STARD3NL: variants seen among roughly 807,000 people sequenced by gnomAD.
STARD3NL encodes the protein STARD3 N-terminal-like protein.
STARD3NL carries 17 observed loss-of-function variants against 30.9 expected under a neutral mutation model. The ratio of observed to expected loss-of-function variants is 0.55; its 90% CI spans 0.38 to 0.82. The LOEUF (loss-of-function observed/expected upper bound fraction) is 0.82. STARD3NL is among the 40% of genes least tolerant of loss of function. STARD3NL has a pLI of 0.00. For missense variants in STARD3NL, 234 were observed against 277.6 expected (o/e 0.84, Z 1.12); for synonymous variants, 112 against 100.5 (o/e 1.11, Z -0.69).
chr7:38,211,000 G>A (rs967331601), intron 2 of STARD3NL, among the ~76,000 whole-genome samples: 3 of 152,122 alleles, frequency 2.0e-5, no homozygotes, highest in African/African-American at 7.2e-5. Context: ...GGGTCCATGT[G>A]AAGATCAAAT....
intron 7 of STARD3NL, among the ~76,000 whole-genome samples, chr7:38,220,632 C>T (rs1264872631): frequency 6.6e-6 from 1 of 152,230 alleles, no homozygotes; most frequent in Admixed American, 6.5e-5. Flanking sequence ...AACACTTCTA[C>T]CCCTGGGTAT....
At position 38,217,220 on chromosome 7, in the gene STARD3NL, G is replaced by A; in HGVS notation, c.468G>A (p.Leu156=). ...LFSQGAFGYV[L]PIISFILAWI... is the part of the protein sequence containing the mutation. ...CTCAAGGGGCTTTTGGCTATGTGCTGCCCATCATTTCATTCATCCTTGCCT... is the reference window on the plus strand; with the variant it reads ...CTCAAGGGGCTTTTGGCTATGTGCTACCCATCATTTCATTCATCCTTGCCT... The change falls in exon 6 of 9, where the codon CTG becomes CTA. Residue 156 remains leucine, a synonymous_variant. Transcript: ENST00000009041. 1 of 1,614,046 alleles carries A rather than the reference G, an allele frequency of 6.2e-7. No individual in the cohort carries two copies. The highest frequency in any genetic ancestry group is 8.5e-7 in the Non-Finnish European group (1 of 1,179,960).
intron 6 of STARD3NL, among the ~76,000 whole-genome samples, chr7:38,217,775 C>T (rs1786208687): frequency 6.6e-6 from 1 of 152,182 alleles, no homozygotes; most frequent in Non-Finnish European, 1.5e-5. Flanking sequence ...CCATTGTGAT[C>T]CATACAGCAG....
At chr7:38,203,549 G>C (rs1785290045) in intron 1 of STARD3NL, among the ~76,000 whole-genome samples, 1 of 152,114 alleles carries the variant, frequency 6.6e-6, no homozygotes, top group South Asian at 2.1e-4. Context: ...GACCATCGAG[G>C]CTAGAAAGAA....
chr7:38,191,824 A>G (rs1228261424), intron 1 of STARD3NL, among the ~76,000 whole-genome samples: 1 of 151,624 alleles, frequency 6.6e-6, no homozygotes. Context: ...TGTGTCTTCT[A>G]TTTTTGTTCT....
At chr7:38,192,450 G>A (rs1784726696) in intron 1 of STARD3NL, among the ~76,000 whole-genome samples, 1 of 152,172 alleles carries the variant, frequency 6.6e-6, no homozygotes, top group South Asian at 2.1e-4. Context: ...TTGAATTAAG[G>A]CTTATCAAGT....
At chr7:38,220,639 G>C (rs1314445641) in intron 7 of STARD3NL, among the ~76,000 whole-genome samples, 1 of 152,214 alleles carries the variant, frequency 6.6e-6, no homozygotes, top group African/African-American at 2.4e-5. Context: ...CTACCCCTGG[G>C]TATGTACCCA....
At chr7:38,201,250 T>C (rs1399867131) in intron 1 of STARD3NL, among the ~76,000 whole-genome samples, 1 of 152,246 alleles carries the variant, frequency 6.6e-6, no homozygotes, top group Non-Finnish European at 1.5e-5. Flanking sequence ...GGTGAAAGTA[T>C]CTATAAATTC....
At chr7:38,190,798 C>T (rs1300819775) in intron 1 of STARD3NL, among the ~76,000 whole-genome samples, 2 of 152,024 alleles carry the variant, frequency 1.3e-5, no homozygotes, top group African/African-American at 4.8e-5. Context: ...TTTTGTTTTT[C>T]ACCACATTGA....
intron 1 of STARD3NL, among the ~76,000 whole-genome samples, chr7:38,183,326 G>T (rs193024575): frequency 2.0e-5 from 3 of 152,298 alleles, no homozygotes; most frequent in East Asian, 1.9e-4. Flanking sequence ...GTAATTCTTT[G>T]TTGGGGACTG....
Position 38,207,543 on chromosome 7 carries a change from C to T in STARD3NL, c.39C>T (p.Thr13=), listed in dbSNP as rs146349377. Residue 13 remains threonine (T), a synonymous_variant, in exon 2 of 9, where the codon ACC becomes ACT. Coordinates refer to ENST00000009041, the MANE Select transcript of STARD3NL (RefSeq NM_032016.4). The part of the protein sequence containing the change: ...HLPEDMENAL[T]GSQSSHASLR... ...CAGAAGACATGGAGAACGCTCTCAC[C>T]GGGAGCCAGAGCTCCCATGCTTCTC... The T allele has an allele frequency of 6.6e-5, 107 of 1,613,966 alleles. No individual in the cohort carries two copies. In the African/African-American group the frequency reaches 8.5e-4, roughly 13 times the overall value.
At chr7:38,182,598 A>G (rs1784294813) in intron 1 of STARD3NL, among the ~76,000 whole-genome samples, 3 of 152,144 alleles carry the variant, frequency 2.0e-5, no homozygotes, top group African/African-American at 7.2e-5. Flanking sequence ...TACATGATGT[A>G]TCAGTACAGC....
chr7:38,181,074 T>C (rs1784226801), intron 1 of STARD3NL, among the ~76,000 whole-genome samples: 1 of 152,222 alleles, frequency 6.6e-6, no homozygotes, highest in Admixed American at 6.5e-5. Flanking sequence ...GCTACAATAA[T>C]CATTTGCCTT....
chr7:38,195,187 G>C (rs756214708), intron 1 of STARD3NL, among the ~76,000 whole-genome samples: 2 of 152,060 alleles, frequency 1.3e-5, no homozygotes, highest in African/African-American at 4.8e-5. Flanking sequence ...CTCCTGAGTC[G>C]CTGGGAGTAC....
chr7:38,187,645 A>C (rs975052842), intron 1 of STARD3NL, among the ~76,000 whole-genome samples: 1 of 150,726 alleles, frequency 6.6e-6, no homozygotes, highest in Non-Finnish European at 1.5e-5. Context: ...TTTTTTTTTC[A>C]TTTTTATGGC....
intron 4 of STARD3NL, 107 bp from the exon 5 acceptor site, chr7:38,216,918 T>C (rs147010618): frequency 0.02 from 27,527 of 1,374,426 alleles, 348 homozygotes; most frequent in Non-Finnish European, 0.024. Flanking sequence ...GCACAGGTTT[T>C]TCAGGCCTTG....
chr7:38,223,973 C>T (rs911494607), intron 7 of STARD3NL, among the ~76,000 whole-genome samples: 2 of 152,122 alleles, frequency 1.3e-5, no homozygotes, highest in Non-Finnish European at 2.9e-5. Context: ...CCACTTCTAC[C>T]TCTAATCCTA....
Position 38,207,488 on chromosome 7 carries a change from T to G in STARD3NL, c.-17T>G. The G allele has an allele frequency of 2.5e-6, 4 of 1,612,916 alleles. No homozygotes were observed. The highest frequency in any genetic ancestry group is 3.4e-6 in the Non-Finnish European group (4 of 1,179,366). The stretch of plus-strand genomic sequence containing the variant: ...GATGGTGAGGTTGGAAAAAGGCTCC[T>G]GTAACCCTCCTCCAGGATGAACCAC... On this transcript the variant is annotated 5_prime_UTR_variant, in exon 2 of 9. Coordinates refer to ENST00000009041, the MANE Select transcript of STARD3NL (RefSeq NM_032016.4).
At chr7:38,203,794 C>G (rs1186835759) in intron 1 of STARD3NL, among the ~76,000 whole-genome samples, 1 of 151,954 alleles carries the variant, frequency 6.6e-6, no homozygotes, top group Non-Finnish European at 1.5e-5. Context: ...ATCAACCAAG[C>G]AAATGGAAAA....
Sources: allele counts gnomAD v4.1 joint callset (sites outside exome capture counted in the v4.1 genomes callset), GRCh38; gene constraint gnomAD v4.1.1; transcripts MANE v1.5; gene names NCBI Gene and HGNC (gene_info 2026-07-23, HGNC 2026-07-21).